DTWD2: variants seen among roughly 807,000 people sequenced by gnomAD.
DTWD2 encodes DTW motif tRNA-uridine aminocarboxypropyltransferase 2, also known as tRNA-uridine aminocarboxypropyltransferase 2.
DTWD2 carries 39 observed loss-of-function variants against 31.8 expected under a neutral mutation model. The ratio of observed to expected loss-of-function variants is 1.22; its 90% CI spans 0.95 to 1.60. DTWD2 has a LOEUF of 1.60. DTWD2 is among the 40% of genes most tolerant of loss of function. The pLI, the probability that DTWD2 is intolerant of heterozygous loss-of-function variation, is 0.00. For missense variants in DTWD2, 515 were observed against 381.5 expected, an observed-to-expected ratio of 1.35 and a Z score of -2.92; for synonymous variants, 180 against 142.8, an observed-to-expected ratio of 1.26 and a Z score of -1.86.
intron 3 of DTWD2, among the ~76,000 whole-genome samples, chr5:118,930,091 T>C (rs1190665688): frequency 6.6e-6 from 1 of 152,224 alleles, no homozygotes; most frequent in Non-Finnish European, 1.5e-5. Flanking sequence ...TTATATTTCA[T>C]AAGACTCCCT....
chr5:118,845,549 T>C (rs1445993365), intron 5 of DTWD2, among the ~76,000 whole-genome samples: 4 of 152,188 alleles, frequency 2.6e-5, no homozygotes, highest in Non-Finnish European at 5.9e-5. Context: ...TTCTGCTCAC[T>C]CTCCCACCAT....
At chr5:118,980,834 C>G (rs1033216378) in intron 1 of DTWD2, among the ~76,000 whole-genome samples, 4 of 152,032 alleles carry the variant, frequency 2.6e-5, no homozygotes, top group Non-Finnish European at 5.9e-5. Context: ...TACTTTTGCA[C>G]CAACCTAAAA....
chr5:118,902,998 A>C (rs569879218), intron 4 of DTWD2, among the ~76,000 whole-genome samples: 36 of 152,218 alleles, frequency 2.4e-4, no homozygotes, highest in Non-Finnish European at 4.9e-4. Flanking sequence ...CATAACTAAA[A>C]CAGATTTTAG....
chr5:118,961,239 A>G (rs1305973617), intron 1 of DTWD2, among the ~76,000 whole-genome samples: 2 of 152,196 alleles, frequency 1.3e-5, no homozygotes, highest in African/African-American at 2.4e-5. Context: ...AAGACTGAGA[A>G]TCTTATCATA....
chr5:118,917,545 T>C (rs1753606477), intron 4 of DTWD2, among the ~76,000 whole-genome samples: 1 of 152,184 alleles, frequency 6.6e-6, no homozygotes, highest in Admixed American at 6.5e-5. Flanking sequence ...ATAGGTTTAA[T>C]TGACTCATAG....
chr5:118,926,873 C>T (rs1753820944), intron 4 of DTWD2, among the ~76,000 whole-genome samples: 2 of 152,142 alleles, frequency 1.3e-5, no homozygotes, highest in African/African-American at 4.8e-5. Context: ...CCTAGCAGAA[C>T]TCAGAAATCT....
chr5:118,858,097 T>C (rs899698739), intron 4 of DTWD2, among the ~76,000 whole-genome samples: 2 of 152,120 alleles, frequency 1.3e-5, no homozygotes, highest in African/African-American at 4.8e-5. Context: ...CTTATTGTTA[T>C]AATGCTACTA....
intron 3 of DTWD2, among the ~76,000 whole-genome samples, chr5:118,938,350 CT>C: frequency 6.6e-6 from 1 of 152,198 alleles, no homozygotes; most frequent in East Asian, 1.9e-4. Flanking sequence ...TAGAAAGTTA[CT>C]GGATATGGGG....
At chr5:118,949,910 A>T (rs1754421670) in intron 1 of DTWD2, among the ~76,000 whole-genome samples, 1 of 152,184 alleles carries the variant, frequency 6.6e-6, no homozygotes, top group South Asian at 2.1e-4. Context: ...AGGAGTGCAC[A>T]AAAGAATATT....
At chr5:118,841,546 G>C (rs1751713988) in intron 5 of DTWD2, among the ~76,000 whole-genome samples, 1 of 152,176 alleles carries the variant, frequency 6.6e-6, no homozygotes, top group South Asian at 2.1e-4. Flanking sequence ...TAAACGGTTT[G>C]CTATTTCTCT....
At chr5:118,980,572 T>C (rs1197625805) in intron 1 of DTWD2, among the ~76,000 whole-genome samples, 2 of 152,176 alleles carry the variant, frequency 1.3e-5, no homozygotes, top group African/African-American at 4.8e-5. Flanking sequence ...TGTTCAACAT[T>C]ATTAGTCAGC....
At chr5:118,875,118 T>G (rs898279221) in intron 4 of DTWD2, among the ~76,000 whole-genome samples, 1 of 152,188 alleles carries the variant, frequency 6.6e-6, no homozygotes, top group African/African-American at 2.4e-5. Context: ...CTAAGATTCA[T>G]ACGGAGAAAA....
At chr5:118,871,815 T>TC (rs1274184303) in intron 4 of DTWD2, among the ~76,000 whole-genome samples, 4 of 152,078 alleles carry the variant, frequency 2.6e-5, no homozygotes, top group African/African-American at 9.7e-5. Flanking sequence ...AGCTGCATTA[T>TC]CCCCTAACAA....
chr5:118,942,971 T>G (rs548344571), intron 2 of DTWD2, among the ~76,000 whole-genome samples: 405 of 152,142 alleles, frequency 2.7e-3, no homozygotes, highest in African/African-American at 9.0e-3. Context: ...CTTGGCTAAT[T>G]TTTTTATTTG....
chr5:118,973,667 T>TCCGC (rs1755050302), intron 1 of DTWD2: 1 of 991,608 alleles, frequency 1.0e-6, no homozygotes, highest in Admixed American at 2.1e-5. Context: ...GGCAGCCTCC[T>TCCGC]TGCTCGCCGC....
At chr5:118,923,413 C>T (rs896509115) in intron 4 of DTWD2, among the ~76,000 whole-genome samples, 2 of 152,020 alleles carry the variant, frequency 1.3e-5, no homozygotes, top group African/African-American at 2.4e-5. Context: ...GACAAAATGG[C>T]GAAATATGAC....
chr5:118,852,020 T>C (rs1752020919), intron 4 of DTWD2, among the ~76,000 whole-genome samples: 1 of 152,108 alleles, frequency 6.6e-6, no homozygotes, highest in African/African-American at 2.4e-5. Flanking sequence ...TGGCGGTTTA[T>C]AGACCTCCCT....
At chr5:118,966,830 G>T (rs1034170465) in intron 1 of DTWD2, among the ~76,000 whole-genome samples, 2 of 152,022 alleles carry the variant, frequency 1.3e-5, no homozygotes, top group African/African-American at 4.8e-5. Context: ...AGGAGTGCGA[G>T]AACAGCCTGA....
At chr5:118,917,275 T>A (rs1018565310) in intron 4 of DTWD2, among the ~76,000 whole-genome samples, 5 of 152,128 alleles carry the variant, frequency 3.3e-5, no homozygotes, top group Admixed American at 2.6e-4. Context: ...GAAGGACATT[T>A]TACAAAAGGA....
Sources: allele counts gnomAD v4.1 joint callset (sites outside exome capture counted in the v4.1 genomes callset), GRCh38; gene constraint gnomAD v4.1.1; transcripts MANE v1.5; gene names NCBI Gene and HGNC (gene_info 2026-07-23, HGNC 2026-07-21).